The following XKR4 variants were observed in gnomAD, a reference collection of about 807,000 sequenced individuals.
The protein encoded by XKR4 is XK-related protein 4.
In XKR4, 12 loss-of-function variants were observed where a neutral mutation model predicts 53.9. The observed-to-expected ratio is 0.22, with a 90% confidence interval of 0.14 to 0.36. XKR4 has a LOEUF of 0.36. Ranked by LOEUF, XKR4 falls within the 10% of genes least tolerant of loss-of-function variation. The pLI is 1.00. For missense variants in XKR4, 799 were observed against 859.5 expected (o/e 0.93, Z 0.88); for synonymous variants, 354 against 362.4 (o/e 0.98, Z 0.26).
chr8:55,365,431 G>A (rs1240862782), intron 2 of XKR4, among the ~76,000 whole-genome samples: 1 of 152,204 alleles, frequency 6.6e-6, no homozygotes, highest in African/African-American at 2.4e-5. Context: ...GGGGCTGGAC[G>A]CGGTGACTCA....
chr8:55,318,829 A>G (rs1325284730), intron 1 of XKR4, among the ~76,000 whole-genome samples: 2 of 152,200 alleles, frequency 1.3e-5, no homozygotes, highest in Non-Finnish European at 2.9e-5. Flanking sequence ...TTTGCAGGAA[A>G]AGAGTTGTTA....
At chr8:55,321,220 A>G (rs540180457) in intron 1 of XKR4, among the ~76,000 whole-genome samples, 1 of 152,266 alleles carries the variant, frequency 6.6e-6, no homozygotes, top group South Asian at 2.1e-4. Context: ...CTCTTCCAAT[A>G]AATTCTTTGT....
intron 1 of XKR4, among the ~76,000 whole-genome samples, chr8:55,111,866 G>A (rs755844261): frequency 1.3e-5 from 2 of 152,054 alleles, no homozygotes; most frequent in Non-Finnish European, 2.9e-5. Context: ...GCTTGTCCTG[G>A]GTCACACTGT....
Position 55,535,944 on chromosome 8 carries a change from G to T in XKR4, c.*11717G>T, listed in dbSNP as rs1227120872. On this transcript the variant is annotated 3_prime_UTR_variant, in exon 3 of 3. Transcript: ENST00000327381. ...GAGCTTCTCGTGGGTTCTAAGATAA[G>T]GTATTCCAAGGTATTGTAAGTTACC... 2 of 152,146 alleles carry T rather than the reference G, an allele frequency of 1.3e-5. No individual in the cohort carries two copies. The highest frequency in any genetic ancestry group is 3.8e-4 in the East Asian group (2 of 5,196). 9.4% of individuals were successfully genotyped at this position (152,146 alleles called of 1,614,324 possible).
chr8:55,515,290 TA>T lies in XKR4; in HGVS notation c.1007-7987del, dbSNP rs527792621. ...ACTATTACAAGGTTTAAAACAGAGA[TA>T]AAATGGCTTCAGTGCAGGGATACTG... is the stretch of plus-strand genomic sequence containing the variant. On this transcript the variant is annotated intron_variant, in intron 2 of 2. Transcript: ENST00000327381. Among the ~76,000 whole-genome samples, 17 of 152,280 alleles carry T rather than the reference TA, an allele frequency of 1.1e-4. No individual in the cohort carries two copies. In the South Asian group the frequency reaches 3.5e-3, roughly 32 times the overall value.
Position 55,425,556 on chromosome 8 carries a change from TC to T in XKR4, c.1006+67682del, listed in dbSNP as rs535247373. On this transcript the variant is annotated intron_variant, in intron 2 of 2. Transcript: ENST00000327381. ...TTCACCTTTAACTCTTACAGTCACC[TC>T]CCAAATGAGTATGTTCAAAGCAGAA... Among the ~76,000 whole-genome samples the T allele has an allele frequency of 1.2e-3, 185 of 152,282 alleles. 2 individuals are homozygous for T. Among genetic ancestry groups the T allele is most frequent in the African/African-American group, 4.2e-3 (176 of 41,570 alleles).
At position 55,248,087 on chromosome 8, in the gene XKR4, C is replaced by G. The variant is rs920360857; in HGVS notation, c.807-109591C>G. ...AGCCAGGATGGTCTCGATCTCCTGA[C>G]CTCGTGATCCACCCACCTTGACCTC... On this transcript the variant is annotated intron_variant, in intron 1 of 2. Coordinates refer to ENST00000327381, the MANE Select transcript of XKR4 (RefSeq NM_052898.2). 1.3e-5 allele frequency among the ~76,000 whole-genome samples: 2 copies of G among 151,780 alleles called. 1 individual carries two copies. Among genetic ancestry groups the G allele is most frequent in the Non-Finnish European group, 2.9e-5 (2 of 67,934 alleles).
chr8:55,201,318 T>G (rs561239151), intron 1 of XKR4, among the ~76,000 whole-genome samples: 2 of 152,342 alleles, frequency 1.3e-5, no homozygotes, highest in Admixed American at 1.3e-4. Flanking sequence ...AAAATTGTCA[T>G]GTCACTGGGA....
At chr8:55,129,500 C>G (rs1238441827) in intron 1 of XKR4, among the ~76,000 whole-genome samples, 1 of 110,634 alleles carries the variant, frequency 9.0e-6, no homozygotes, top group African/African-American at 3.5e-5. Context: ...GATCTTAACT[C>G]CTTGACTGTG....
At chr8:55,353,871 G>C (rs960631355) in intron 1 of XKR4, among the ~76,000 whole-genome samples, 1 of 152,210 alleles carries the variant, frequency 6.6e-6, no homozygotes, top group African/African-American at 2.4e-5. Flanking sequence ...TCCCTGTAAA[G>C]TGCACGATAG....
chr8:55,271,406 CTTGTT>C (rs902419815), intron 1 of XKR4, among the ~76,000 whole-genome samples: 8 of 152,288 alleles, frequency 5.3e-5, no homozygotes, highest in Non-Finnish European at 1.0e-4. Context: ...TCTTTAACTA[CTTGTT>C]TTGTTTTGAG....
At chr8:55,218,196 G>A (rs1015719257) in intron 1 of XKR4, among the ~76,000 whole-genome samples, 1 of 152,126 alleles carries the variant, frequency 6.6e-6, no homozygotes, top group South Asian at 2.1e-4. Flanking sequence ...TCTGCACAAT[G>A]TCTTACAGCT....
intron 2 of XKR4, chr8:55,451,036 G>T (rs1169799660): frequency 1.4e-5 from 8 of 552,332 alleles, no homozygotes; most frequent in Non-Finnish European, 2.4e-5. Context: ...TGCCGCGCCT[G>T]GAATACCTTA....
chr8:55,392,827 A>G (rs549769224), intron 2 of XKR4, among the ~76,000 whole-genome samples: 31 of 152,238 alleles, frequency 2.0e-4, no homozygotes, highest in African/African-American at 7.2e-4. Context: ...AAACAAGGAA[A>G]AGTTCAAAAG....
chr8:55,337,252 T>C (rs1803475547), intron 1 of XKR4, among the ~76,000 whole-genome samples: 1 of 152,150 alleles, frequency 6.6e-6, no homozygotes, highest in East Asian at 1.9e-4. Context: ...CCTAGAAATA[T>C]CAACATGGGG....
intron 1 of XKR4, chr8:55,142,159 AC>A: frequency 2.2e-6 from 1 of 456,092 alleles, no homozygotes; most frequent in South Asian, 1.5e-5. Flanking sequence ...CACTGGCCTC[AC>A]TGCTGCTCTC....
intron 2 of XKR4, among the ~76,000 whole-genome samples, chr8:55,361,149 G>A (rs1315769082): frequency 1.3e-5 from 2 of 152,198 alleles, no homozygotes; most frequent in African/African-American, 4.8e-5. Context: ...AGGCCCGACT[G>A]CATGCACGGC....
intron 1 of XKR4, among the ~76,000 whole-genome samples, chr8:55,241,591 C>T (rs971530812): frequency 2.0e-5 from 3 of 152,116 alleles, no homozygotes; most frequent in Non-Finnish European, 2.9e-5. Context: ...GGATTTCTGG[C>T]CTTCTGATAA....
intron 2 of XKR4, among the ~76,000 whole-genome samples, chr8:55,423,251 A>G (rs1427339926): frequency 3.3e-5 from 5 of 152,092 alleles, no homozygotes; most frequent in African/African-American, 1.2e-4. Flanking sequence ...GCCTGCCACC[A>G]AGCCCAGCTA....
Sources: gnomAD v4.1 joint callset for allele counts (sites outside exome capture counted in the v4.1 genomes callset) on GRCh38, gnomAD v4.1.1 for gene constraint, MANE v1.5 for transcripts, NCBI Gene and HGNC (gene_info 2026-07-23, HGNC 2026-07-21) for gene names.